Variants in TNNT1 observed in about 807,000 individuals in gnomAD.
TNNT1 encodes troponin T1, slow skeletal type.
A neutral mutation model predicts 50.6 loss-of-function variants in TNNT1; 53 were observed. The ratio of observed to expected loss-of-function variants is 1.05; its 90% CI spans 0.84 to 1.32. TNNT1 has a LOEUF of 1.32. TNNT1 is among the 40% of genes most tolerant of loss of function. The pLI is 0.00. For missense variants in TNNT1, 348 were observed against 381.7 expected (o/e 0.91, Z 0.74); for synonymous variants, 142 against 138.0 (o/e 1.03, Z -0.20).
At position 55,141,917 on chromosome 19, in the gene TNNT1, G is replaced by C. The variant is rs961701508; in HGVS notation, c.132C>G (p.Arg44=). Residue 44 remains arginine (R), a synonymous_variant, in exon 7 of 14, where the codon CGC becomes CGG. Transcript: ENST00000588981. Reference sequence around the variant, plus strand: ...GCGGGATCAAAGGAGGCACCACGGGGCGGCTGAGTGGACAGAAACACAGAG... The same window carrying C: ...GCGGGATCAAAGGAGGCACCACGGGCCGGCTGAGTGGACAGAAACACAGAG... ...EPEEERPKPS[R]PVVPPLIPPK... is the part of the protein sequence containing the mutation. 1 of 1,614,060 alleles carries C rather than the reference G, an allele frequency of 6.2e-7. No individual in the cohort carries two copies.
chr19:55,142,776 G>A (rs1371062120), intron 6 of TNNT1, among the ~76,000 whole-genome samples: 1 of 145,962 alleles, frequency 6.9e-6, no homozygotes, highest in African/African-American at 2.5e-5. Flanking sequence ...TTGAACTCCC[G>A]ACCTCAGGCG....
At chr19:55,137,835 C>T (rs1191093252) in intron 10 of TNNT1, 126 bp downstream of exon 10, 36 of 1,224,728 alleles carry the variant, frequency 2.9e-5, no homozygotes, top group Non-Finnish European at 4.0e-5. Flanking sequence ...AGTTCAGGGC[C>T]CAGCCCCTCC....
At chr19:55,137,461 C>G (rs910459515) in intron 10 of TNNT1, among the ~76,000 whole-genome samples, 3 of 151,354 alleles carry the variant, frequency 2.0e-5, no homozygotes, top group Non-Finnish European at 4.4e-5. Flanking sequence ...GCATTAGGAA[C>G]CAGAAGTCTG....
chr19:55,135,692 A>C (rs902134397), intron 11 of TNNT1: 7 of 156,206 alleles, frequency 4.5e-5, no homozygotes, highest in African/African-American at 1.7e-4. Flanking sequence ...ACGCCCGGCT[A>C]ATTTTTGTAT....
intron 2 of TNNT1, 51 bp downstream of exon 2, chr19:55,147,075 G>T (rs754901755): frequency 1.2e-6 from 2 of 1,613,190 alleles, no homozygotes; most frequent in South Asian, 2.2e-5. Context: ...CCTGGGGTGG[G>T]AGAGCCTCTC....
At chr19:55,139,126 A>G (rs997710538) in intron 9 of TNNT1, among the ~76,000 whole-genome samples, 1 of 152,090 alleles carries the variant, frequency 6.6e-6, no homozygotes, top group African/African-American at 2.4e-5. Flanking sequence ...CGGCCTCCCA[A>G]GTAACTGGGA....
Position 55,134,074 on chromosome 19 carries a change from T to A in TNNT1, c.742A>T (p.Lys248Ter). 1.2e-6 allele frequency: 2 copies of A among 1,613,164 alleles called. No individual in the cohort carries two copies. The highest frequency in any genetic ancestry group is 1.6e-4 in the Middle Eastern group (1 of 6,062). ...FDLMAKLKQQ[K>*]YEINVLYNRI... ...GCGGAGCTGGGTCTCACCTCATATT[T>A]CTGCTGTTTCAGCTTCGCCATCAGG... Residue 248 changes from lysine (K) to a stop codon, truncating the protein, a stop_gained, in exon 12 of 14, where the codon AAA becomes TAA. Transcript: ENST00000588981. LOFTEE classifies it high-confidence loss of function.
At chr19:55,146,630 T>TGGC in intron 4 of TNNT1, 51 bp downstream of exon 4, 3 of 1,025,164 alleles carry the variant, frequency 2.9e-6, no homozygotes, top group Non-Finnish European at 4.2e-6. Context: ...GGGCCCAGCG[T>TGGC]CCCCGCCCCC....
chr19:55,148,686 C>G (rs568358023), intron 1 of TNNT1, among the ~76,000 whole-genome samples: 2 of 152,136 alleles, frequency 1.3e-5, no homozygotes, highest in South Asian at 4.2e-4. Context: ...GTTCATGATA[C>G]CCCAGATAAT....
intron 7 of TNNT1, 104 bp from the exon 8 acceptor site, chr19:55,141,406 G>A: frequency 1.2e-6 from 1 of 864,316 alleles, no homozygotes; most frequent in Non-Finnish European, 2.0e-6. Flanking sequence ...TTCCCAGGAC[G>A]GTATCCAGCA....
At chr19:55,137,543 G>T (rs1165263233) in intron 10 of TNNT1, among the ~76,000 whole-genome samples, 1 of 65,902 alleles carries the variant, frequency 1.5e-5, no homozygotes, top group African/African-American at 9.2e-5. Flanking sequence ...CAGGATTGCA[G>T]GCCCCGAGCC....
Position 55,147,041 on chromosome 19 carries a change from G to C in TNNT1, c.33-20C>G. On this transcript the variant is annotated intron_variant, in intron 2 of 13. Transcript: ENST00000588981. Reference sequence around the variant, plus strand: ...TGCTCCCTGCGGACGGGTGTGGGGAGAGAGGAGGGAGGGGAGAGTTAGACC... The same window carrying C: ...TGCTCCCTGCGGACGGGTGTGGGGACAGAGGAGGGAGGGGAGAGTTAGACC... The C allele has an allele frequency of 1.2e-6, 2 of 1,612,644 alleles. No individual in the cohort carries two copies. The highest frequency in any genetic ancestry group is 1.7e-6 in the Non-Finnish European group (2 of 1,179,592).
intron 9 of TNNT1, 120 bp downstream of exon 9, chr19:55,140,763 C>A (rs1018917462): frequency 2.9e-6 from 2 of 687,868 alleles, no homozygotes; most frequent in South Asian, 3.6e-5. Context: ...GGCGACAGAG[C>A]TAGACTCCGT....
chr19:55,142,171 A>C, intron 6 of TNNT1: 1 of 428,180 alleles, frequency 2.3e-6, no homozygotes, highest in Non-Finnish European at 4.4e-6. Flanking sequence ...CCCAGGCTGG[A>C]GTGCGGTGGC....
intron 11 of TNNT1, among the ~76,000 whole-genome samples, chr19:55,135,812 C>T (rs148649226): frequency 8.5e-5 from 13 of 152,100 alleles, no homozygotes; most frequent in Non-Finnish European, 1.5e-4. Context: ...TGAGCCGCCG[C>T]GCCCGCCCGG....
At chr19:55,146,537 G>A (rs2085556317) in intron 4 of TNNT1, 71 bp from the exon 5 acceptor site, 2 of 1,142,008 alleles carry the variant, frequency 1.8e-6, no homozygotes, top group Non-Finnish European at 2.3e-6. Context: ...GGGCGCGGGA[G>A]GGGAGAGAGG....
rs11550309 is a variant in TNNT1 at position 55,146,854 on chromosome 19, T to C, written c.47-147A>G. 0.14 allele frequency: 168,664 copies of C among 1,216,844 alleles called. 13,089 individuals are homozygous for C. The highest frequency in any genetic ancestry group is 0.32 in the African/African-American group (20,881 of 64,952). The allele number at this position is 1,216,844 out of a possible 1,614,324, so 75.4% of individuals were successfully genotyped here. A position where few individuals can be genotyped will look rare whatever the true frequency, so the allele number is the denominator to read the frequency against. Reference sequence around the variant, plus strand: ...CACGTTCCCCCTGGCGGTGCAGGGATGGCGCGAGGAGACGCTCCAGACCCG... The same window carrying C: ...CACGTTCCCCCTGGCGGTGCAGGGACGGCGCGAGGAGACGCTCCAGACCCG... On this transcript the variant is annotated intron_variant, in intron 3 of 13. Transcript: ENST00000588981.
chr19:55,144,958 T>C (rs2085520701), intron 6 of TNNT1, among the ~76,000 whole-genome samples: 1 of 151,448 alleles, frequency 6.6e-6, no homozygotes, highest in South Asian at 2.1e-4. Context: ...GCTGGGGTGA[T>C]GGTAAAGGCG....
intron 1 of TNNT1, among the ~76,000 whole-genome samples, chr19:55,147,613 T>G (rs972028502): frequency 8.3e-4 from 26 of 31,506 alleles, no homozygotes; most frequent in Admixed American, 1.4e-3. Flanking sequence ...TGTGGGAGGG[T>G]GGGTGTGGAC....
Sources: gnomAD v4.1 joint callset for allele counts (sites outside exome capture counted in the v4.1 genomes callset) on GRCh38, gnomAD v4.1.1 for gene constraint, MANE v1.5 for transcripts, NCBI Gene and HGNC (gene_info 2026-07-23, HGNC 2026-07-21) for gene names.